CDC42SE2: variants seen among roughly 807,000 people sequenced by gnomAD.
CDC42SE2 encodes the protein CDC42 small effector 2, also known as CDC42 small effector protein 2.
In CDC42SE2, 3 loss-of-function variants were observed where a neutral mutation model predicts 11.5. That is an observed-to-expected ratio of 0.26 (90% CI 0.12 to 0.67). The LOEUF is 0.67. Among genes scored for constraint, CDC42SE2 ranks in the 30% least tolerant of loss-of-function variants. The probability of loss-of-function intolerance (pLI) is 0.80; values close to 1 mark genes in which losing one functional copy is unlikely to be tolerated. For missense variants in CDC42SE2, 82 were observed against 106.8 expected, an observed-to-expected ratio of 0.77 and a Z score of 1.02; for synonymous variants, 33 against 34.8, an observed-to-expected ratio of 0.95 and a Z score of 0.18.
At chr5:131,310,648 A>G (rs1028080053) in intron 1 of CDC42SE2, among the ~76,000 whole-genome samples, 1 of 152,008 alleles carries the variant, frequency 6.6e-6, no homozygotes, top group South Asian at 2.1e-4. Flanking sequence ...GGGTGCATAT[A>G]TATTTAGGAT....
chr5:131,385,694 T>A lies in CDC42SE2; in HGVS notation c.156+50T>A, dbSNP rs368662864. ...GGTAGGGCATTGGGGCATAGTCATA[T>A]GAAACCTGTGTGACAGGCACAAGCA... On this transcript the variant is annotated intron_variant, in intron 4 of 4. Transcript: ENST00000505065. 7.0e-5 allele frequency: 79 copies of A among 1,134,972 alleles called. No individual in the cohort carries two copies. In the African/African-American group the frequency reaches 1.2e-3, roughly 17 times the overall value. 70.3% of individuals were successfully genotyped at this position (1,134,972 alleles called of 1,614,324 possible).
intron 2 of CDC42SE2, among the ~76,000 whole-genome samples, chr5:131,350,512 A>G (rs1238451728): frequency 6.6e-6 from 1 of 151,966 alleles, no homozygotes; most frequent in Non-Finnish European, 1.5e-5. Flanking sequence ...AAAACCACTA[A>G]TCTGTTATGA....
At chr5:131,365,623 A>G (rs1202498455) in intron 3 of CDC42SE2, among the ~76,000 whole-genome samples, 9 of 152,226 alleles carry the variant, frequency 5.9e-5, no homozygotes, top group Non-Finnish European at 8.8e-5. Flanking sequence ...CACACATCAC[A>G]TTATAAAACC....
intron 1 of CDC42SE2, among the ~76,000 whole-genome samples, chr5:131,280,547 G>C (rs925648539): frequency 3.3e-5 from 5 of 152,316 alleles, no homozygotes; most frequent in African/African-American, 1.2e-4. Flanking sequence ...TGTTTATAGA[G>C]AGTAGAATGT....
intron 2 of CDC42SE2, among the ~76,000 whole-genome samples, chr5:131,332,273 C>T (rs1758435895): frequency 6.6e-6 from 1 of 152,130 alleles, no homozygotes. Context: ...CAGCTTCATC[C>T]ATGTCCCTAC....
intron 1 of CDC42SE2, among the ~76,000 whole-genome samples, chr5:131,266,555 G>A (rs1163919145): frequency 6.6e-6 from 1 of 151,352 alleles, no homozygotes; most frequent in Non-Finnish European, 1.5e-5. Flanking sequence ...CGCCTTTGGG[G>A]CTCGAGCTAT....
chr5:131,300,909 G>A (rs896395171), intron 1 of CDC42SE2, among the ~76,000 whole-genome samples: 4 of 152,046 alleles, frequency 2.6e-5, no homozygotes, highest in African/African-American at 9.7e-5. Context: ...CCGTTTTTTA[G>A]CTATGATATG....
upstream of CDC42SE2, among the ~76,000 whole-genome samples, chr5:131,245,037 G>T (rs1435939992): frequency 6.6e-6 from 1 of 152,122 alleles, no homozygotes; most frequent in African/African-American, 2.4e-5. Context: ...GGCCTTATGG[G>T]AGCAAATCCA....
intron 2 of CDC42SE2, among the ~76,000 whole-genome samples, chr5:131,332,412 G>T (rs1758440454): frequency 6.6e-6 from 1 of 152,130 alleles, no homozygotes; most frequent in Admixed American, 6.5e-5. Flanking sequence ...ATTGTGAATA[G>T]TGCCACAATA....
At chr5:131,279,678 G>A (rs546060151) in intron 1 of CDC42SE2, among the ~76,000 whole-genome samples, 5 of 151,890 alleles carry the variant, frequency 3.3e-5, no homozygotes, top group African/African-American at 9.7e-5. Context: ...ATTCCAGTCC[G>A]TTTTCCACAC....
chr5:131,296,389 G>A (rs1272857344), intron 1 of CDC42SE2, among the ~76,000 whole-genome samples: 2 of 152,216 alleles, frequency 1.3e-5, no homozygotes, highest in African/African-American at 4.8e-5. Flanking sequence ...CAACAGAAAT[G>A]TGTTGTCTCA....
At chr5:131,249,716 A>G (rs538752021) in intron 1 of CDC42SE2, among the ~76,000 whole-genome samples, 1 of 152,294 alleles carries the variant, frequency 6.6e-6, no homozygotes, top group Non-Finnish European at 1.5e-5. Flanking sequence ...AGAAAAATGC[A>G]AATAAGGACT....
chr5:131,294,643 A>C (rs1757529956), intron 1 of CDC42SE2, among the ~76,000 whole-genome samples: 1 of 152,210 alleles, frequency 6.6e-6, no homozygotes, highest in African/African-American at 2.4e-5. Flanking sequence ...AGGGAACAGG[A>C]GATTGCAGTT....
intron 2 of CDC42SE2, among the ~76,000 whole-genome samples, chr5:131,347,799 C>T (rs1322317523): frequency 6.6e-6 from 1 of 152,152 alleles, no homozygotes; most frequent in South Asian, 2.1e-4. Flanking sequence ...AGCTTATGTA[C>T]CACGATCAAG....
intron 2 of CDC42SE2, among the ~76,000 whole-genome samples, chr5:131,348,517 C>G (rs1034473554): frequency 6.6e-6 from 1 of 152,160 alleles, no homozygotes; most frequent in African/African-American, 2.4e-5. Flanking sequence ...GAAGAACATT[C>G]CATGCTCATG....
intron 4 of CDC42SE2, among the ~76,000 whole-genome samples, 170 bp from the exon 5 acceptor site, chr5:131,390,823 G>GT: frequency 6.6e-6 from 1 of 152,236 alleles, no homozygotes; most frequent in African/African-American, 2.4e-5. Context: ...TAGCCTCCCT[G>GT]TTTGTCCTTA....
At position 131,394,455 on chromosome 5, in the gene CDC42SE2, T is replaced by G. The variant is rs1021972334; in HGVS notation, c.*3364T>G. On this transcript the variant is annotated 3_prime_UTR_variant, in exon 5 of 5. Transcript: ENST00000505065. ...CATTAGCTTTCACTTTGTTGTTAAA[T>G]TATAGCAGACTCATTATAGAGAACA... is the stretch of plus-strand genomic sequence containing the variant. 3.3e-5 allele frequency: 5 copies of G among 152,370 alleles called. No individual in the cohort carries two copies. The highest frequency in any genetic ancestry group is 1.2e-4 in the African/African-American group (5 of 41,468). The allele number at this position is 152,370 out of a possible 1,614,324, so 9.4% of individuals were successfully genotyped here.
the CDC42SE2 span, among the ~76,000 whole-genome samples, chr5:131,232,519 G>A: frequency 3.3e-5 from 5 of 151,826 alleles, no homozygotes; most frequent in African/African-American, 4.8e-5. Flanking sequence ...GATTACCTAA[G>A]ATCAGGGATT....
At chr5:131,354,399 C>G (rs1749469822) in intron 2 of CDC42SE2, among the ~76,000 whole-genome samples, 1 of 152,172 alleles carries the variant, frequency 6.6e-6, no homozygotes, top group Non-Finnish European at 1.5e-5. Flanking sequence ...AATCCTTGCC[C>G]TCAGGCCTAG....
Sources: gnomAD v4.1 joint callset for allele counts (sites outside exome capture counted in the v4.1 genomes callset) on GRCh38, gnomAD v4.1.1 for gene constraint, MANE v1.5 for transcripts, NCBI Gene and HGNC (gene_info 2026-07-23, HGNC 2026-07-21) for gene names.